The following TAFA5 variants were observed in gnomAD, a reference collection of about 807,000 sequenced individuals.
The protein encoded by TAFA5 is chemokine-like protein TAFA-5.
TAFA5 carries 6 observed loss-of-function variants against 15.3 expected under a neutral mutation model. The ratio of observed to expected loss-of-function variants is 0.39; its 90% CI spans 0.21 to 0.77. The LOEUF is 0.77. Among genes scored for constraint, TAFA5 ranks in the 30% least tolerant of loss-of-function variants. The probability of loss-of-function intolerance (pLI) is 0.41; values close to 1 mark genes in which losing one functional copy is unlikely to be tolerated. For synonymous variants in TAFA5, 103 were observed against 80.7 expected, an observed-to-expected ratio of 1.28 and a Z score of -1.48; for missense variants, 161 against 193.1, an observed-to-expected ratio of 0.83 and a Z score of 0.98.
intron 1 of TAFA5, among the ~76,000 whole-genome samples, chr22:48,493,048 G>A (rs1404321517): frequency 6.6e-6 from 1 of 152,192 alleles, no homozygotes; most frequent in African/African-American, 2.4e-5. Flanking sequence ...TTCCACCCTG[G>A]CATCTAGGAT....
At chr22:48,609,428 G>T (rs1239077146) in intron 1 of TAFA5, among the ~76,000 whole-genome samples, 1 of 152,154 alleles carries the variant, frequency 6.6e-6, no homozygotes, top group African/African-American at 2.4e-5. Context: ...GCCATGCGTT[G>T]TCTGTGGTGT....
intron 3 of TAFA5, among the ~76,000 whole-genome samples, chr22:48,736,293 CAT>C (rs1203769380): frequency 2.3e-5 from 1 of 44,234 alleles, no homozygotes; most frequent in African/African-American, 1.3e-4. Context: ...TCCTAGAGTC[CAT>C]CCCCCCAGGA....
chr22:48,678,988 C>T (rs1928074727), intron 2 of TAFA5, among the ~76,000 whole-genome samples: 1 of 142,456 alleles, frequency 7.0e-6, no homozygotes, highest in Non-Finnish European at 1.5e-5. Flanking sequence ...CCATCCCTCT[C>T]CCGGCTCCCC....
chr22:48,583,069 A>G (rs766479042), intron 1 of TAFA5, among the ~76,000 whole-genome samples: 24 of 151,052 alleles, frequency 1.6e-4, no homozygotes, highest in Non-Finnish European at 3.0e-4. Context: ...TACACCACAC[A>G]CAAAATACAC....
chr22:48,673,929 C>A (rs1241594442), intron 2 of TAFA5, among the ~76,000 whole-genome samples: 3 of 152,102 alleles, frequency 2.0e-5, no homozygotes, highest in Non-Finnish European at 2.9e-5. Context: ...GGAGGGCTGG[C>A]CCCGGCTCTG....
chr22:48,570,759 T>C (rs1216064347), intron 1 of TAFA5, among the ~76,000 whole-genome samples: 1 of 152,252 alleles, frequency 6.6e-6, no homozygotes, highest in Non-Finnish European at 1.5e-5. Context: ...TTTGTGTACA[T>C]GTTGGTTTTA....
At chr22:48,605,905 TC>T (rs1925175857) in intron 1 of TAFA5, among the ~76,000 whole-genome samples, 1 of 151,908 alleles carries the variant, frequency 6.6e-6, no homozygotes, top group Non-Finnish European at 1.5e-5. Flanking sequence ...GAGCCCAGAG[TC>T]CCTCATGGGT....
At chr22:48,549,807 G>A (rs531495429) in intron 1 of TAFA5, among the ~76,000 whole-genome samples, 131 of 152,320 alleles carry the variant, frequency 8.6e-4, no homozygotes, top group Middle Eastern at 6.8e-3. Context: ...GGACAAGCAC[G>A]GGCCCCTGCC....
In TAFA5 at chr22:48,513,083, T is replaced by C. The variant is rs181711164; in HGVS notation, c.112+23379T>C. 8.4e-4 allele frequency among the ~76,000 whole-genome samples: 127 copies of C among 151,974 alleles called. 1 individual carries two copies. The highest frequency in any genetic ancestry group is 3.0e-3 in the African/African-American group (126 of 41,424). Reference sequence around the variant, plus strand: ...TCACTCTGACACAGCCACTCTGGGGTGCGTTTCTTCCCAGGCACAGGCCTG... The same window carrying C: ...TCACTCTGACACAGCCACTCTGGGGCGCGTTTCTTCCCAGGCACAGGCCTG... On this transcript the variant is annotated intron_variant, in intron 1 of 3. Coordinates refer to ENST00000402357, the MANE Select transcript of TAFA5 (RefSeq NM_001082967.3).
intron 1 of TAFA5, among the ~76,000 whole-genome samples, chr22:48,564,921 G>A (rs1923359843): frequency 6.6e-6 from 1 of 152,242 alleles, no homozygotes; most frequent in Non-Finnish European, 1.5e-5. Flanking sequence ...AAAAAGAGGA[G>A]GTGCAGAAGC....
At chr22:48,557,932 G>A (rs767831201) in intron 1 of TAFA5, among the ~76,000 whole-genome samples, 2 of 152,216 alleles carry the variant, frequency 1.3e-5, no homozygotes, top group African/African-American at 4.8e-5. Context: ...TGTCTAAGCC[G>A]GGGCAGGTGG....
chr22:48,725,497 C>T (rs1929688651), intron 3 of TAFA5, among the ~76,000 whole-genome samples: 1 of 152,046 alleles, frequency 6.6e-6, no homozygotes. Context: ...CAGAGATGGA[C>T]TGCATGGCCG....
intron 1 of TAFA5, among the ~76,000 whole-genome samples, chr22:48,627,645 C>T (rs1377452571): frequency 6.6e-6 from 1 of 152,236 alleles, no homozygotes; most frequent in African/African-American, 2.4e-5. Flanking sequence ...GAGGCCCACG[C>T]TGTTGGACCC....
intron 1 of TAFA5, among the ~76,000 whole-genome samples, chr22:48,554,036 C>G (rs548350503): frequency 2.0e-5 from 3 of 152,254 alleles, no homozygotes; most frequent in Non-Finnish European, 4.4e-5. Context: ...CCTTTTTATC[C>G]TGCTCCCGCT....
intron 1 of TAFA5, among the ~76,000 whole-genome samples, chr22:48,616,796 C>T (rs556277994): frequency 2.0e-4 from 31 of 152,320 alleles, no homozygotes; most frequent in African/African-American, 7.0e-4. Flanking sequence ...CCGAAGGCTG[C>T]GTGGCTCTGG....
intron 1 of TAFA5, among the ~76,000 whole-genome samples, chr22:48,645,930 G>A (rs1261810885): frequency 6.6e-6 from 1 of 152,078 alleles, no homozygotes; most frequent in Non-Finnish European, 1.5e-5. Context: ...GGTCATGTGT[G>A]CCTGTTTGCA....
intron 1 of TAFA5, among the ~76,000 whole-genome samples, chr22:48,596,834 G>C (rs997423362): frequency 6.6e-6 from 1 of 151,982 alleles, no homozygotes; most frequent in South Asian, 2.1e-4. Flanking sequence ...TTTGAGACAG[G>C]GTCTCCTTCT....
intron 1 of TAFA5, among the ~76,000 whole-genome samples, chr22:48,525,765 A>G (rs906823929): frequency 2.0e-5 from 3 of 152,082 alleles, no homozygotes; most frequent in African/African-American, 7.2e-5. Flanking sequence ...CCCTGCCTCC[A>G]GGCCCCTGCA....
intron 2 of TAFA5, among the ~76,000 whole-genome samples, chr22:48,678,679 C>A (rs1052807970): frequency 6.6e-6 from 1 of 151,406 alleles, no homozygotes; most frequent in Admixed American, 6.6e-5. Context: ...GGAAGCCCTG[C>A]GCTCAAGGAA....
Sources: gnomAD v4.1 joint callset for allele counts (sites outside exome capture counted in the v4.1 genomes callset) on GRCh38, gnomAD v4.1.1 for gene constraint, MANE v1.5 for transcripts, NCBI Gene and HGNC (gene_info 2026-07-23, HGNC 2026-07-21) for gene names.